The following DCBLD2 variants were observed in gnomAD, a reference collection of about 807,000 sequenced individuals.
DCBLD2 encodes discoidin, CUB and LCCL domain-containing protein 2.
A neutral mutation model predicts 86.8 loss-of-function variants in DCBLD2; 54 were observed. The observed-to-expected ratio is 0.62, with a 90% CI of 0.50 to 0.78. The LOEUF is 0.78. Ranked by LOEUF, DCBLD2 falls within the 30% of genes least tolerant of loss-of-function variation. The pLI is 0.00. For missense variants in DCBLD2, 908 were observed against 954.2 expected (o/e 0.95, Z 0.64); for synonymous variants, 354 against 341.3 (o/e 1.04, Z -0.41).
intron 1 of DCBLD2, among the ~76,000 whole-genome samples, chr3:98,894,666 C>G (rs2439223): frequency 0.36 from 54,714 of 151,768 alleles, 9,975 homozygotes; most frequent in Non-Finnish European, 0.39. Flanking sequence ...TAGTAAGGGT[C>G]AAGACATGGC....
chr3:98,861,473 G>A (rs975105252), intron 2 of DCBLD2, among the ~76,000 whole-genome samples: 1 of 152,080 alleles, frequency 6.6e-6, no homozygotes. Context: ...CACATAGTTG[G>A]AAGTAAAGTA....
intron 1 of DCBLD2, among the ~76,000 whole-genome samples, chr3:98,888,514 A>G (rs1457257017): frequency 6.6e-6 from 1 of 152,060 alleles, no homozygotes; most frequent in Non-Finnish European, 1.5e-5. Flanking sequence ...GGGAATATTA[A>G]CAATTCAAGC....
At chr3:98,883,886 A>G (rs1943516038) in intron 1 of DCBLD2, among the ~76,000 whole-genome samples, 1 of 152,192 alleles carries the variant, frequency 6.6e-6, no homozygotes, top group Admixed American at 6.5e-5. Flanking sequence ...TGTAGTGCTA[A>G]TATTTGCTAG....
intron 13 of DCBLD2, among the ~76,000 whole-genome samples, chr3:98,807,115 C>T (rs768130940): frequency 6.6e-6 from 1 of 152,138 alleles, no homozygotes; most frequent in Admixed American, 6.6e-5. Flanking sequence ...TCCAGAAAAG[C>T]CTTTCCTGAT....
chr3:98,870,758 AAAG>A (rs1390982084), intron 2 of DCBLD2, among the ~76,000 whole-genome samples: 347 of 51,968 alleles, frequency 6.7e-3, no homozygotes, highest in Middle Eastern at 8.2e-3. Flanking sequence ...AGAAAGAAAG[AAAG>A]AAAGAAAGAA....
intron 3 of DCBLD2, among the ~76,000 whole-genome samples, chr3:98,838,753 C>A (rs1191731877): frequency 6.6e-6 from 1 of 152,128 alleles, no homozygotes; most frequent in African/African-American, 2.4e-5. Flanking sequence ...CCAGCCTGGG[C>A]ACCATTGAGC....
intron 3 of DCBLD2, among the ~76,000 whole-genome samples, chr3:98,841,760 T>C (rs1196107235): frequency 2.6e-5 from 4 of 152,292 alleles, no homozygotes; most frequent in African/African-American, 9.6e-5. Flanking sequence ...AGTGCCTATA[T>C]TTATTCTAAC....
chr3:98,861,635 A>T (rs1238878836), intron 2 of DCBLD2, among the ~76,000 whole-genome samples: 2 of 152,238 alleles, frequency 1.3e-5, no homozygotes, highest in Non-Finnish European at 1.5e-5. Flanking sequence ...TACTGGGTAC[A>T]TAACGAAATG....
chr3:98,799,555 G>GT lies in DCBLD2; in HGVS notation c.2144dup (p.Tyr715Ter). The change falls in exon 16 of 16, where the codon TAC (tyrosine) becomes TAAC (stop). Residue 715 changes from tyrosine to a stop codon, truncating the protein, a stop_gained and frameshift_variant. Transcript: ENST00000326840. LOFTEE classifies it high-confidence loss of function. The stretch of plus-strand genomic sequence containing the variant: ...TGTCAGTCCTGGAGAGAAGTGTATT[G>GT]TAAGTTCCCACTAGTGGGGGAGGTT... ...GNQPPPLVGT[Y>*]NTLLSRTDSC... is the part of the protein sequence containing the mutation. The GT allele has an allele frequency of 1.2e-6, 2 of 1,613,990 alleles. No homozygotes were observed. Among genetic ancestry groups the GT allele is most frequent in the Non-Finnish European group, 8.5e-7 (1 of 1,179,882 alleles).
In DCBLD2 at chr3:98,840,292, A is replaced by G. The variant is rs115578193; in HGVS notation, c.571+9169T>C. Among the ~76,000 whole-genome samples the G allele has an allele frequency of 3.6e-3, 542 of 152,306 alleles. 5 individuals carry two copies. Among genetic ancestry groups the G allele is most frequent in the African/African-American group, 9.6e-3 (397 of 41,542 alleles). On this transcript the variant is annotated intron_variant, in intron 3 of 15. Transcript: ENST00000326840. The stretch of plus-strand genomic sequence containing the variant: ...CTGGTACATGTACATATATATTCGA[A>G]GAATTGGCAGCTGAATATGAAGCTT...
chr3:98,809,789 T>C (rs36032715), intron 12 of DCBLD2, among the ~76,000 whole-genome samples: 6,695 of 152,234 alleles, frequency 0.044, 233 homozygotes, highest in Non-Finnish European at 0.07. Flanking sequence ...GACATAATCT[T>C]TTCCATGAAA....
In DCBLD2 at chr3:98,838,849, G is replaced by C. The variant is rs575884505; in HGVS notation, c.571+10612C>G. On this transcript the variant is annotated intron_variant, in intron 3 of 15. Transcript: ENST00000326840. The stretch of plus-strand genomic sequence containing the variant: ...CACTCGCGGTTAGGGGCTGGAGACC[G>C]GCCCGGCCAACACAGCGAAACCCCG... Among the ~76,000 whole-genome samples, 4 of 152,170 alleles carry C rather than the reference G, an allele frequency of 2.6e-5. No individual in the cohort carries two copies. The East Asian group carries it at 5.8e-4, about 22-fold the overall frequency.
intron 10 of DCBLD2, 121 bp downstream of exon 10, chr3:98,812,211 A>G: frequency 7.5e-7 from 1 of 1,336,076 alleles, no homozygotes; most frequent in South Asian, 1.5e-5. Flanking sequence ...TTAAGAAGAT[A>G]TTGTAATTAG....
chr3:98,844,063 C>CA (rs71124005), intron 3 of DCBLD2, among the ~76,000 whole-genome samples: 5 of 143,006 alleles, frequency 3.5e-5, no homozygotes, highest in East Asian at 2.0e-4. Flanking sequence ...CACACACACA[C>CA]CCCAATTATG....
At chr3:98,839,326 G>A (rs187155040) in intron 3 of DCBLD2, among the ~76,000 whole-genome samples, 5 of 151,570 alleles carry the variant, frequency 3.3e-5, no homozygotes, top group South Asian at 2.1e-4. Flanking sequence ...TGATGAATCC[G>A]TTTGTGTACC....
chr3:98,868,517 A>T (rs899002400), intron 2 of DCBLD2, among the ~76,000 whole-genome samples: 1 of 152,012 alleles, frequency 6.6e-6, no homozygotes, highest in Non-Finnish European at 1.5e-5. Flanking sequence ...TACACAGATA[A>T]ATTTTATAGT....
rs1464487154 is a variant in DCBLD2, at chr3:98,798,239, A to G, written c.*1133T>C. The G allele has an allele frequency of 6.6e-6, 1 of 152,216 alleles. No individual in the cohort carries two copies. The highest frequency in any genetic ancestry group is 2.4e-5 in the African/African-American group (1 of 41,456). 9.4% of individuals were successfully genotyped at this position (152,216 alleles called of 1,614,324 possible). On this transcript the variant is annotated 3_prime_UTR_variant, in exon 16 of 16. Transcript: ENST00000326840. ...GTCCTGAAAAATACACGTTAGGTTT[A>G]TATTTTGTGTAACAGTTTATGGAAA...
chr3:98,830,640 C>T (rs1942302559), intron 3 of DCBLD2, among the ~76,000 whole-genome samples: 1 of 152,188 alleles, frequency 6.6e-6, no homozygotes, highest in Admixed American at 6.5e-5. Flanking sequence ...GTTACTGTAG[C>T]CCTGCAGTAC....
chr3:98,799,742 T>C lies in DCBLD2; in HGVS notation c.1958A>G (p.Asp653Gly). 6.2e-7 allele frequency: 1 copy of C among 1,613,978 alleles called. No individual in the cohort carries two copies. The highest frequency in any genetic ancestry group is 8.5e-7 in the Non-Finnish European group (1 of 1,179,874). ...EGKEAGYADLDPYNSPGQEVY... is the reference protein window; with the variant it reads ...EGKEAGYADLGPYNSPGQEVY... ...TTCCTGCCCTGGTGAGTTGTAAGGATCTAGGTCTGCATAGCCTGCTTCTTT... is the reference window on the plus strand; with the variant it reads ...TTCCTGCCCTGGTGAGTTGTAAGGACCTAGGTCTGCATAGCCTGCTTCTTT... Residue 653 changes from aspartate (D) to glycine (G), a missense_variant, in exon 16 of 16, where the codon GAT (aspartate) becomes GGT (glycine). This residue lies in a region of DCBLD2 where 606 missense variants were observed against 678.5 expected (regional missense o/e 0.89). Transcript: ENST00000326840.
Sources: gnomAD v4.1 joint callset for allele counts (sites outside exome capture counted in the v4.1 genomes callset) on GRCh38, gnomAD v4.1.1 for gene constraint, gnomAD v4.1.1 regional missense constraint, MANE v1.5 for transcripts, NCBI Gene and HGNC (gene_info 2026-07-23, HGNC 2026-07-21) for gene names.